Variants in ST6GALNAC3 observed in about 807,000 individuals in gnomAD.
ST6GALNAC3 encodes the protein alpha-N-acetylgalactosaminide alpha-2,6-sialyltransferase 3.
In ST6GALNAC3, 25 loss-of-function variants were observed where a neutral mutation model predicts 32.7. That is an observed-to-expected ratio of 0.76 (90% CI 0.56 to 1.07). The LOEUF (loss-of-function observed/expected upper bound fraction) is 1.07, where lower values mean the gene tolerates loss of function less well. Ranked by LOEUF, ST6GALNAC3 falls within the 50% of genes least tolerant of loss-of-function variation. The probability of loss-of-function intolerance (pLI) is 0.00; values close to 1 mark genes in which losing one functional copy is unlikely to be tolerated. For missense variants in ST6GALNAC3, 355 were observed against 382.4 expected, an observed-to-expected ratio of 0.93 and a Z score of 0.60; for synonymous variants, 129 against 133.1, an observed-to-expected ratio of 0.97 and a Z score of 0.21.
intron 3 of ST6GALNAC3, among the ~76,000 whole-genome samples, chr1:76,506,733 C>T (rs531743946): frequency 3.4e-4 from 52 of 152,056 alleles, no homozygotes; most frequent in Non-Finnish European, 6.5e-4. Flanking sequence ...AGAGGCAGAC[C>T]GCGGTAGACA....
intron 2 of ST6GALNAC3, among the ~76,000 whole-genome samples, chr1:76,335,054 A>G (rs926138905): frequency 1.3e-5 from 2 of 152,208 alleles, no homozygotes; most frequent in African/African-American, 2.4e-5. Context: ...GATGAATAAA[A>G]TAAGTAAAGG....
At chr1:76,598,963 G>A (rs778194492) in intron 3 of ST6GALNAC3, among the ~76,000 whole-genome samples, 2 of 152,040 alleles carry the variant, frequency 1.3e-5, no homozygotes, top group South Asian at 2.1e-4. Context: ...AGAAAATAAC[G>A]ATGAAACTTA....
rs558037711 is a variant in ST6GALNAC3 at position 76,152,723 on chromosome 1, T to G, written c.18+77839T>G. On this transcript the variant is annotated intron_variant, in intron 1 of 4. Transcript: ENST00000328299. ...GAAGTGCTGGTGTATGACTCTGAAC[T>G]TGTGAGACTAGCTGAAAACACCATT... is the stretch of plus-strand genomic sequence containing the variant. Among the ~76,000 whole-genome samples, 19 of 152,292 alleles carry G rather than the reference T, an allele frequency of 1.2e-4. No individual in the cohort carries two copies. The East Asian group carries it at 3.7e-3, about 29-fold the overall frequency.
At chr1:76,121,574 G>C (rs1228694483) in intron 1 of ST6GALNAC3, among the ~76,000 whole-genome samples, 1 of 152,104 alleles carries the variant, frequency 6.6e-6, no homozygotes, top group Non-Finnish European at 1.5e-5. Context: ...AAATTAGCTG[G>C]GCATGGTGAT....
intron 2 of ST6GALNAC3, among the ~76,000 whole-genome samples, chr1:76,402,081 G>C (rs923048508): frequency 6.6e-6 from 1 of 151,978 alleles, no homozygotes; most frequent in Non-Finnish European, 1.5e-5. Flanking sequence ...AGGGCAGTCT[G>C]ATATTTGAAA....
intron 1 of ST6GALNAC3, among the ~76,000 whole-genome samples, chr1:76,283,137 C>T (rs1226672929): frequency 6.6e-6 from 1 of 152,134 alleles, no homozygotes. Context: ...CCACAGTACC[C>T]AAGAGTGCTC....
intron 3 of ST6GALNAC3, among the ~76,000 whole-genome samples, chr1:76,528,480 G>T (rs1244514983): frequency 6.6e-6 from 1 of 152,156 alleles, no homozygotes; most frequent in Non-Finnish European, 1.5e-5. Flanking sequence ...AGTGTCCTGA[G>T]ATAGAAGGAT....
chr1:76,532,271 G>A (rs1299063177), intron 3 of ST6GALNAC3, among the ~76,000 whole-genome samples: 1 of 152,158 alleles, frequency 6.6e-6, no homozygotes, highest in Non-Finnish European at 1.5e-5. Flanking sequence ...CCTGACATCT[G>A]CTTTTTATTG....
At chr1:76,088,306 A>C (rs890330505) in intron 1 of ST6GALNAC3, among the ~76,000 whole-genome samples, 5 of 152,250 alleles carry the variant, frequency 3.3e-5, no homozygotes, top group African/African-American at 9.6e-5. Context: ...AGAGCAGAGA[A>C]TCACTAGTAC....
At chr1:76,516,996 A>T (rs537805499) in intron 3 of ST6GALNAC3, among the ~76,000 whole-genome samples, 3 of 151,896 alleles carry the variant, frequency 2.0e-5, no homozygotes, top group Admixed American at 2.0e-4. Context: ...AAGTCCTTTT[A>T]TCATTTTCTT....
At chr1:76,292,232 A>C (rs1156853879) in intron 1 of ST6GALNAC3, among the ~76,000 whole-genome samples, 2 of 152,366 alleles carry the variant, frequency 1.3e-5, no homozygotes, top group African/African-American at 4.8e-5. Context: ...GAGATGTTAA[A>C]ACATTCTGAG....
intron 3 of ST6GALNAC3, among the ~76,000 whole-genome samples, chr1:76,512,555 C>T (rs766769327): frequency 3.3e-5 from 5 of 152,100 alleles, no homozygotes; most frequent in Non-Finnish European, 7.4e-5. Flanking sequence ...GTGTATCCAT[C>T]ACTTCACAGT....
chr1:76,376,208 T>A (rs1411529246), intron 2 of ST6GALNAC3, among the ~76,000 whole-genome samples: 1 of 152,174 alleles, frequency 6.6e-6, no homozygotes, highest in Non-Finnish European at 1.5e-5. Flanking sequence ...TTCATCCAGT[T>A]TTCTCCAATG....
chr1:76,327,798 C>T (rs1258433605), intron 2 of ST6GALNAC3, among the ~76,000 whole-genome samples: 1 of 152,054 alleles, frequency 6.6e-6, no homozygotes, highest in Non-Finnish European at 1.5e-5. Context: ...CCATGTTGGC[C>T]AAGCTGGTCT....
intron 3 of ST6GALNAC3, among the ~76,000 whole-genome samples, chr1:76,571,435 G>T (rs557935305): frequency 3.4e-4 from 52 of 152,082 alleles, no homozygotes; most frequent in African/African-American, 1.2e-3. Flanking sequence ...TGTGCCAGTT[G>T]AAATATTTTC....
At chr1:76,318,302 G>T (rs1035296717) in intron 2 of ST6GALNAC3, among the ~76,000 whole-genome samples, 14 of 152,022 alleles carry the variant, frequency 9.2e-5, no homozygotes, top group African/African-American at 3.4e-4. Context: ...TTGGTGATTG[G>T]CTTTAACTCT....
At chr1:76,404,554 G>C (rs980686868) in intron 2 of ST6GALNAC3, among the ~76,000 whole-genome samples, 3 of 151,974 alleles carry the variant, frequency 2.0e-5, no homozygotes, top group Non-Finnish European at 4.4e-5. Flanking sequence ...GAACATCAAG[G>C]AGAATAAAGG....
chr1:76,477,795 G>A (rs1659451182), intron 3 of ST6GALNAC3, among the ~76,000 whole-genome samples: 1 of 152,152 alleles, frequency 6.6e-6, no homozygotes, highest in African/African-American at 2.4e-5. Context: ...GATTTAGTGA[G>A]TATCTGTCAT....
intron 1 of ST6GALNAC3, among the ~76,000 whole-genome samples, chr1:76,243,727 G>T (rs1018923027): frequency 5.3e-5 from 8 of 152,142 alleles, no homozygotes; most frequent in Non-Finnish European, 8.8e-5. Flanking sequence ...CCCATTGCTT[G>T]TTTGTGTCAA....
Sources: gnomAD v4.1 joint callset for allele counts (sites outside exome capture counted in the v4.1 genomes callset) on GRCh38, gnomAD v4.1.1 for gene constraint, MANE v1.5 for transcripts, NCBI Gene and HGNC (gene_info 2026-07-23, HGNC 2026-07-21) for gene names.